The following INPP5A variants were observed in gnomAD, a reference collection of about 807,000 sequenced individuals.
The protein encoded by INPP5A is inositol polyphosphate-5-phosphatase A.
Under a neutral mutation model 65.2 loss-of-function variants are expected in INPP5A, and 14 were observed. The ratio of observed to expected loss-of-function variants is 0.21; its 90% CI spans 0.14 to 0.34. INPP5A has a LOEUF of 0.34. Ranked by LOEUF, INPP5A falls within the 10% of genes least tolerant of loss-of-function variation. The pLI, the probability that INPP5A is intolerant of heterozygous loss-of-function variation, is 1.00. For missense variants in INPP5A, 431 were observed against 545.6 expected, an observed-to-expected ratio of 0.79 and a Z score of 2.09; for synonymous variants, 207 against 208.3, an observed-to-expected ratio of 0.99 and a Z score of 0.05.
intron 1 of INPP5A, among the ~76,000 whole-genome samples, chr10:132,561,762 AACCCTGCTGGAATTTACACACACC>A (rs2071210308): frequency 6.8e-6 from 1 of 146,172 alleles, no homozygotes. Context: ...ACACACACAC[AACCCTGCTGGAATTTACACACACC>A]ACCCTGCTGG....
At chr10:132,611,393 G>T (rs2071947214) in intron 2 of INPP5A, among the ~76,000 whole-genome samples, 1 of 140,166 alleles carries the variant, frequency 7.1e-6, no homozygotes, top group South Asian at 2.5e-4. Context: ...GGGCAGAGGA[G>T]AGGCCTGTCA....
intron 11 of INPP5A, 132 bp downstream of exon 11, chr10:132,749,977 G>C: frequency 2.4e-6 from 2 of 838,570 alleles, no homozygotes; most frequent in Non-Finnish European, 4.0e-6. Flanking sequence ...TTCTGAGCCA[G>C]TGCAAGTCAG....
chr10:132,596,901 C>A (rs2071700633), intron 1 of INPP5A, among the ~76,000 whole-genome samples: 1 of 102,716 alleles, frequency 9.7e-6, no homozygotes, highest in South Asian at 3.9e-4. Flanking sequence ...TTGGAGGCTC[C>A]TGTGCATGTG....
chr10:132,775,304 C>T (rs985536713), intron 12 of INPP5A, among the ~76,000 whole-genome samples: 6 of 152,046 alleles, frequency 3.9e-5, no homozygotes, highest in Non-Finnish European at 7.4e-5. Flanking sequence ...ACGCTGTAGG[C>T]GCAGGTGCGC....
chr10:132,774,356 G>A (rs1393933681), intron 12 of INPP5A, among the ~76,000 whole-genome samples: 12 of 152,242 alleles, frequency 7.9e-5, no homozygotes, highest in Admixed American at 5.2e-4. Flanking sequence ...ACACAAGAGC[G>A]GCGTGGTAAT....
intron 11 of INPP5A, 69 bp downstream of exon 11, chr10:132,749,914 C>T (rs1321128651): frequency 6.5e-5 from 86 of 1,324,530 alleles, no homozygotes; most frequent in Non-Finnish European, 9.2e-5. Context: ...CTTCCCATTA[C>T]CTCTGCTTAC....
rs1454307979 is a variant in INPP5A at position 132,705,806 on chromosome 10, A to G, written c.475-2507A>G. 6.6e-6 allele frequency among the ~76,000 whole-genome samples: 1 copy of G among 152,092 alleles called. No homozygotes were observed. Among genetic ancestry groups the G allele is most frequent in the African/African-American group, 2.4e-5 (1 of 41,392 alleles). The stretch of plus-strand genomic sequence containing the variant: ...GAGCAGAGAGCCCAGACCTTTTACA[A>G]TGCTGGGTGGGGTGGCCATGGAACT... On this transcript the variant is annotated intron_variant, in intron 6 of 15. Transcript: ENST00000368594. The surrounding 1 kb of genome is among the most constrained non-coding windows in gnomAD (Gnocchi z 4.9).
At chr10:132,606,913 C>G (rs940408941) in intron 1 of INPP5A, among the ~76,000 whole-genome samples, 2 of 152,222 alleles carry the variant, frequency 1.3e-5, no homozygotes, top group Non-Finnish European at 2.9e-5. Context: ...TAAGTACATT[C>G]ACGTTGTTGC....
chr10:132,602,544 C>G (rs999083244), intron 1 of INPP5A, among the ~76,000 whole-genome samples: 4 of 152,192 alleles, frequency 2.6e-5, no homozygotes, highest in African/African-American at 9.7e-5. Flanking sequence ...ATCCACCTGC[C>G]TCTGCCTCCC....
intron 1 of INPP5A, among the ~76,000 whole-genome samples, chr10:132,560,426 C>G (rs2071188261): frequency 6.6e-6 from 1 of 152,170 alleles, no homozygotes; most frequent in Non-Finnish European, 1.5e-5. Context: ...CAGAACAGTA[C>G]TCGTGATTGT....
In INPP5A at chr10:132,676,134, T is replaced by G. The variant is rs1256563004; in HGVS notation, c.307-14258T>G. Among the ~76,000 whole-genome samples, 2 of 152,230 alleles carry G rather than the reference T, an allele frequency of 1.3e-5. No homozygotes were observed. The highest frequency in any genetic ancestry group is 4.8e-5 in the African/African-American group (2 of 41,466). On this transcript the variant is annotated intron_variant, in intron 4 of 15. Transcript: ENST00000368594. The surrounding 1 kb of genome is among the most constrained non-coding windows in gnomAD (Gnocchi z 4.0). ...AAAACTAGTTATTTTAAGACTGATA[T>G]TTTTCTTTGTTCATTATTGAAATTT...
At chr10:132,593,097 G>A (rs1321621390) in intron 1 of INPP5A, among the ~76,000 whole-genome samples, 1 of 152,224 alleles carries the variant, frequency 6.6e-6, no homozygotes, top group African/African-American at 2.4e-5. Context: ...CAGACCTTTA[G>A]ACTCACTCTG....
rs1034815722 is a variant in INPP5A at position 132,782,681 on chromosome 10, T to C, written c.*652T>C. On this transcript the variant is annotated 3_prime_UTR_variant, in exon 16 of 16. Coordinates refer to ENST00000368594, the MANE Select transcript of INPP5A (RefSeq NM_005539.5). The surrounding 1 kb of genome is among the most constrained non-coding windows in gnomAD (Gnocchi z 4.4). ...CTTATGCTAAATATACTTTCCAGTA[T>C]GAACGCACAGGAGAGTCCCATCAGC... 6.6e-6 allele frequency: 1 copy of C among 152,288 alleles called. No individual in the cohort carries two copies. Among genetic ancestry groups the C allele is most frequent in the Non-Finnish European group, 1.5e-5 (1 of 68,026 alleles). The allele number at this position is 152,288 out of a possible 1,614,324, so 9.4% of individuals were successfully genotyped here.
At chr10:132,770,940 G>A (rs1846937697) in intron 12 of INPP5A, among the ~76,000 whole-genome samples, 1 of 152,200 alleles carries the variant, frequency 6.6e-6, no homozygotes, top group African/African-American at 2.4e-5. Context: ...GCCAGCCTCT[G>A]GGAGGAATAC....
intron 5 of INPP5A, among the ~76,000 whole-genome samples, chr10:132,693,805 G>A (rs183259117): frequency 1.6e-3 from 248 of 152,260 alleles, no homozygotes; most frequent in African/African-American, 5.7e-3. Context: ...ACATCATGAT[G>A]AAAAGATCAG....
chr10:132,622,073 C>T (rs72860325), intron 2 of INPP5A, among the ~76,000 whole-genome samples: 1,620 of 152,220 alleles, frequency 0.011, 22 homozygotes, highest in Non-Finnish European at 0.018. Flanking sequence ...CATACAAGGT[C>T]AGTATGAAAA....
rs1652613052 is a variant in INPP5A, at chr10:132,650,361, A to T, written c.219-57A>T. On this transcript the variant is annotated intron_variant, in intron 3 of 15. Coordinates refer to ENST00000368594, the MANE Select transcript of INPP5A (RefSeq NM_005539.5). The surrounding 1 kb of genome is among the most constrained non-coding windows in gnomAD (Gnocchi z 5.5). ...CCCTCTTATACCTTGTGGTCATCTC[A>T]TGAGGTGCAAGGCGTCTGTGTGGCT... The T allele has an allele frequency of 2.5e-6, 3 of 1,187,322 alleles. No homozygotes were observed. The highest frequency in any genetic ancestry group is 3.8e-6 in the Non-Finnish European group (3 of 792,162). The allele number at this position is 1,187,322 out of a possible 1,614,324, so 73.5% of individuals were successfully genotyped here.
chr10:132,681,785 C>T (rs1590921412), intron 4 of INPP5A, among the ~76,000 whole-genome samples: 1 of 152,240 alleles, frequency 6.6e-6, no homozygotes, highest in South Asian at 2.1e-4. Flanking sequence ...GATATTTGCA[C>T]ACCTATAATC....
Position 132,703,976 on chromosome 10 carries a change from G to A in INPP5A, c.475-4337G>A, listed in dbSNP as rs1259490272. Reference sequence around the variant, plus strand: ...CTTCACACACACATGCCACACACACGCAAGCTTCACCCACACACACACGCA... The same window carrying A: ...CTTCACACACACATGCCACACACACACAAGCTTCACCCACACACACACGCA... On this transcript the variant is annotated intron_variant, in intron 6 of 15. Coordinates refer to ENST00000368594, the MANE Select transcript of INPP5A (RefSeq NM_005539.5). 3.7e-4 allele frequency among the ~76,000 whole-genome samples: 33 copies of A among 89,374 alleles called. 1 individual carries two copies. Among genetic ancestry groups the A allele is most frequent in the Admixed American group, 4.2e-4 (3 of 7,076 alleles). The allele number at this position is 89,374 out of a possible 152,430, so 58.6% of individuals were successfully genotyped here.
Sources: allele counts gnomAD v4.1 joint callset (sites outside exome capture counted in the v4.1 genomes callset), GRCh38; gene constraint gnomAD v4.1.1; non-coding constraint Gnocchi (gnomAD v3.1); transcripts MANE v1.5; gene names NCBI Gene and HGNC (gene_info 2026-07-23, HGNC 2026-07-21).